The following CAT variants were observed in gnomAD, a reference collection of about 807,000 sequenced individuals.
The protein encoded by CAT is epididymis secretory sperm binding protein.
A neutral mutation model predicts 59.0 loss-of-function variants in CAT; 43 were observed. That is an observed-to-expected ratio of 0.73 (90% CI 0.57 to 0.94). The LOEUF (loss-of-function observed/expected upper bound fraction) is 0.94, where lower values mean the gene tolerates loss of function less well. Ranked by LOEUF, CAT falls within the 40% of genes least tolerant of loss-of-function variation. The pLI is 0.00. For missense variants in CAT, 664 were observed against 682.9 expected, an observed-to-expected ratio of 0.97 and a Z score of 0.31; for synonymous variants, 218 against 230.9, an observed-to-expected ratio of 0.94 and a Z score of 0.51.
intron 1 of CAT, among the ~76,000 whole-genome samples, chr11:34,445,984 G>A (rs547463277): frequency 1.2e-4 from 19 of 152,208 alleles, no homozygotes; most frequent in African/African-American, 4.3e-4. Context: ...GATAACTTGC[G>A]TGGTCCGTTT....
chr11:34,453,978 T>G lies in CAT; in HGVS notation c.711+52T>G, dbSNP rs965287892. The G allele has an allele frequency of 3.8e-6, 6 of 1,584,864 alleles. No individual in the cohort carries two copies. In the African/African-American group the frequency reaches 6.7e-5, roughly 18 times the overall value. Reference sequence around the variant, plus strand: ...TACAAGGCTCCTACCGCATACCTCCTTATTTTTCCTGAAGGATTGAGCAAA... The same window carrying G: ...TACAAGGCTCCTACCGCATACCTCCGTATTTTTCCTGAAGGATTGAGCAAA... On this transcript the variant is annotated intron_variant, in intron 6 of 12. Coordinates refer to ENST00000241052, the MANE Select transcript of CAT (RefSeq NM_001752.4).
intron 6 of CAT, among the ~76,000 whole-genome samples, chr11:34,454,540 G>A (rs1029979971): frequency 2.0e-5 from 3 of 152,162 alleles, no homozygotes; most frequent in South Asian, 4.2e-4. Flanking sequence ...AAGTGGGCTC[G>A]TGACCAGTAC....
intron 6 of CAT, 87 bp downstream of exon 6, chr11:34,454,013 T>A: frequency 1.4e-6 from 2 of 1,419,472 alleles, no homozygotes; most frequent in Non-Finnish European, 2.0e-6. Flanking sequence ...AGATTAAGGC[T>A]TCTCCCACTT....
rs777986977 is a variant in CAT, at chr11:34,449,260, G to T, written c.135G>T (p.Gly45=). ...VGDKLNVITV[G]PRGPLLVQDV... ...ACAAACTTAATGTTATTACAGTAGG[G>T]CCCCGTGGGCCCCTTCTTGTTCAGG... The change falls in exon 2 of 13, where the codon GGG becomes GGT. Residue 45 remains glycine, a synonymous_variant. Coordinates refer to ENST00000241052, the MANE Select transcript of CAT (RefSeq NM_001752.4). 2 of 1,613,726 alleles carry T rather than the reference G, an allele frequency of 1.2e-6. No individual in the cohort carries two copies. The highest frequency in any genetic ancestry group is 1.7e-6 in the Non-Finnish European group (2 of 1,179,580).
chr11:34,459,183 A>G (rs901710993), intron 8 of CAT, among the ~76,000 whole-genome samples: 12 of 152,170 alleles, frequency 7.9e-5, no homozygotes, highest in African/African-American at 2.2e-4. Context: ...GTACTCATTT[A>G]GCCATTTGGT....
intron 9 of CAT, 93 bp from the exon 10 acceptor site, chr11:34,464,012 A>G (rs1856683258): frequency 7.9e-7 from 1 of 1,260,324 alleles, no homozygotes. Flanking sequence ...GTATTTGATT[A>G]CCACTTGAAT....
chr11:34,443,399 T>G (rs180767781), intron 1 of CAT, among the ~76,000 whole-genome samples: 182 of 152,308 alleles, frequency 1.2e-3, no homozygotes, highest in Non-Finnish European at 1.1e-3. Context: ...TGTTCATGAG[T>G]ATGACCTCGA....
intron 9 of CAT, 117 bp from the exon 10 acceptor site, chr11:34,463,988 G>A (rs1856683107): frequency 1.1e-6 from 1 of 952,106 alleles, no homozygotes; most frequent in Non-Finnish European, 1.7e-6. Context: ...TTATATCTGT[G>A]TATGTGTACG....
intron 4 of CAT, 70 bp downstream of exon 4, chr11:34,452,277 T>A: frequency 6.8e-7 from 1 of 1,469,170 alleles, no homozygotes; most frequent in Non-Finnish European, 9.5e-7. Flanking sequence ...AGGTTGGCAT[T>A]TGAGGAGAAG....
chr11:34,452,553 G>A lies in CAT; in HGVS notation c.480+346G>A, dbSNP rs113321920. ...CAGGAGGGGGTGTGTGTGCGTGCGC[G>A]CATGCGGGAGGGTGGGTATATTTTT... On this transcript the variant is annotated intron_variant, in intron 4 of 12. Coordinates refer to ENST00000241052, the MANE Select transcript of CAT (RefSeq NM_001752.4). Among the ~76,000 whole-genome samples the A allele has an allele frequency of 4.2e-3, 636 of 152,106 alleles. 5 individuals are homozygous for A. Among genetic ancestry groups the A allele is most frequent in the African/African-American group, 0.015 (603 of 41,482 alleles).
intron 1 of CAT, among the ~76,000 whole-genome samples, chr11:34,446,143 A>T (rs1262953410): frequency 6.6e-6 from 1 of 152,152 alleles, no homozygotes; most frequent in African/African-American, 2.4e-5. Flanking sequence ...GTTGCGCTAA[A>T]CATCCCCTGA....
rs760845869 is a variant in CAT, at chr11:34,452,087, G to A, written c.360G>A (p.Ser120=). ...AVRFSTVAGE[S]GSADTVRDPR... ...ATTTGAATATTGTAGCTGGAGAATC[G>A]GGTTCAGCTGACACAGTTCGGGACC... Residue 120 remains serine (S), a synonymous_variant, in exon 4 of 13, where the codon TCG becomes TCA. Transcript: ENST00000241052. 6.2e-7 allele frequency: 1 copy of A among 1,613,850 alleles called. No homozygotes were observed. The highest frequency in any genetic ancestry group is 8.5e-7 in the Non-Finnish European group (1 of 1,179,808).
intron 2 of CAT, among the ~76,000 whole-genome samples, chr11:34,450,422 G>C (rs564665294): frequency 6.6e-6 from 1 of 152,260 alleles, no homozygotes; most frequent in South Asian, 2.1e-4. Context: ...AACTCAGTTG[G>C]AAAAAGAGCT....
intron 11 of CAT, 40 bp from the exon 12 acceptor site, chr11:34,470,918 A>G: frequency 2.7e-6 from 4 of 1,481,806 alleles, no homozygotes; most frequent in Non-Finnish European, 3.8e-6. Context: ...TATAGTAGGG[A>G]GTTAGAGTAA....
At chr11:34,441,071 G>A (rs768381605) in intron 1 of CAT, among the ~76,000 whole-genome samples, 2 of 152,148 alleles carry the variant, frequency 1.3e-5, no homozygotes, top group Non-Finnish European at 2.9e-5. Context: ...ACATCGTCCT[G>A]ATTGGCAGTC....
chr11:34,466,752 G>T (rs1289454890), intron 10 of CAT, among the ~76,000 whole-genome samples: 3 of 128,820 alleles, frequency 2.3e-5, no homozygotes, highest in Non-Finnish European at 4.6e-5. Flanking sequence ...CTGCACTCCA[G>T]CCTGGGCGAC....
intron 3 of CAT, among the ~76,000 whole-genome samples, chr11:34,451,466 A>G (rs974608591): frequency 7.9e-5 from 12 of 152,320 alleles, no homozygotes; most frequent in Admixed American, 6.5e-4. Flanking sequence ...GGTGCTTTAC[A>G]GATATAATCT....
chr11:34,451,188 A>G (rs1342936332), intron 3 of CAT, 90 bp downstream of exon 3: 2 of 836,166 alleles, frequency 2.4e-6, no homozygotes, highest in South Asian at 1.3e-5. Context: ...TTATTAGAAA[A>G]TAGGAAGCAA....
At chr11:34,445,232 A>G (rs543701) in intron 1 of CAT, among the ~76,000 whole-genome samples, 50,286 of 151,876 alleles carry the variant, frequency 0.33, 9,110 homozygotes, top group East Asian at 0.72. Flanking sequence ...GCTCACGCCT[A>G]TAATCCCAGC....
Sources: gnomAD v4.1 joint callset for allele counts (sites outside exome capture counted in the v4.1 genomes callset) on GRCh38, gnomAD v4.1.1 for gene constraint, MANE v1.5 for transcripts, NCBI Gene and HGNC (gene_info 2026-07-23, HGNC 2026-07-21) for gene names.